The following GRIN3A variants were observed in gnomAD, a reference collection of about 807,000 sequenced individuals.
GRIN3A encodes glutamate ionotropic receptor NMDA type subunit 3A.
Under a neutral mutation model 92.4 loss-of-function variants are expected in GRIN3A, and 47 were observed. The observed-to-expected ratio is 0.51, with a 90% confidence interval of 0.40 to 0.65. The LOEUF (loss-of-function observed/expected upper bound fraction) is 0.65. Among genes scored for constraint, GRIN3A ranks in the 30% least tolerant of loss-of-function variants. The pLI, the probability that GRIN3A is intolerant of heterozygous loss-of-function variation, is 0.00. For missense variants in GRIN3A, 1,324 were observed against 1,393.1 expected (o/e 0.95, Z 0.79); for synonymous variants, 527 against 540.6 (o/e 0.97, Z 0.35).
chr9:101,738,427 A>T lies in GRIN3A; in HGVS notation c.-448T>A, dbSNP rs923832732. The T allele has an allele frequency of 5.0e-6, 1 of 198,768 alleles. No individual in the cohort carries two copies. The highest frequency in any genetic ancestry group is 2.4e-5 in the African/African-American group (1 of 41,816). The allele number at this position is 198,768 out of a possible 1,614,324, so 12.3% of individuals were successfully genotyped here. ...TCTTTTCCTTTTCTGCCCAGGCGAG[A>T]CCCACTTATTTCCTGGGGTCGCGTT... On this transcript the variant is annotated 5_prime_UTR_variant, in exon 1 of 9. Coordinates refer to ENST00000361820, the MANE Select transcript of GRIN3A (RefSeq NM_133445.3).
chr9:101,668,368 T>G (rs986847889), intron 3 of GRIN3A, among the ~76,000 whole-genome samples: 1 of 128,086 alleles, frequency 7.8e-6, no homozygotes, highest in African/African-American at 3.2e-5. Flanking sequence ...TATATTAGAT[T>G]TTTTTTTTTA....
intron 3 of GRIN3A, among the ~76,000 whole-genome samples, chr9:101,641,112 GA>G (rs926095293): frequency 2.6e-5 from 4 of 151,780 alleles, no homozygotes; most frequent in Admixed American, 6.6e-5. Flanking sequence ...CATAGGAAAA[GA>G]AAAAAAATAA....
chr9:101,588,852 C>T (rs1448774300), intron 6 of GRIN3A, among the ~76,000 whole-genome samples: 2 of 151,796 alleles, frequency 1.3e-5, no homozygotes, highest in Admixed American at 6.6e-5. Context: ...ATACTATCAC[C>T]TATTGTTTTT....
intron 1 of GRIN3A, among the ~76,000 whole-genome samples, chr9:101,691,984 G>C (rs1382325507): frequency 6.6e-6 from 1 of 152,202 alleles, no homozygotes; most frequent in Non-Finnish European, 1.5e-5. Flanking sequence ...AAGAATGTGA[G>C]AATGCATGGA....
chr9:101,641,746 A>G (rs943417250), intron 3 of GRIN3A, among the ~76,000 whole-genome samples: 30 of 151,872 alleles, frequency 2.0e-4, no homozygotes, highest in African/African-American at 6.5e-4. Flanking sequence ...AAACCTGCAC[A>G]TTGTGCACAT....
intron 2 of GRIN3A, among the ~76,000 whole-genome samples, chr9:101,675,400 C>G (rs28612816): frequency 6.6e-6 from 1 of 151,836 alleles, no homozygotes; most frequent in Non-Finnish European, 1.5e-5. Flanking sequence ...ATTTTAGAAG[C>G]CATATTTGCA....
chr9:101,728,836 G>A (rs889914714), intron 1 of GRIN3A, among the ~76,000 whole-genome samples: 1 of 152,178 alleles, frequency 6.6e-6, no homozygotes, highest in Non-Finnish European at 1.5e-5. Context: ...TTTTGATATA[G>A]TCCGCATCCA....
intron 3 of GRIN3A, among the ~76,000 whole-genome samples, chr9:101,664,754 C>G (rs12339461): frequency 6.6e-6 from 1 of 151,962 alleles, no homozygotes; most frequent in African/African-American, 2.4e-5. Context: ...AATTTCCGCC[C>G]TAAAATGGTG....
chr9:101,608,592 C>G (rs909720755), intron 6 of GRIN3A, among the ~76,000 whole-genome samples: 5 of 152,028 alleles, frequency 3.3e-5, no homozygotes, highest in African/African-American at 1.2e-4. Context: ...TCCTTAAGAA[C>G]ATGGGTAACT....
intron 5 of GRIN3A, among the ~76,000 whole-genome samples, chr9:101,621,981 C>G (rs1828562740): frequency 6.6e-6 from 1 of 152,146 alleles, no homozygotes; most frequent in East Asian, 1.9e-4. Flanking sequence ...ATTTTTCTAG[C>G]TTTTTCTTTT....
chr9:101,677,509 A>G (rs754709802), intron 2 of GRIN3A, among the ~76,000 whole-genome samples: 5 of 151,802 alleles, frequency 3.3e-5, no homozygotes, highest in Admixed American at 6.6e-5. Context: ...TTAATTTACT[A>G]TTTGTCGCCA....
chr9:101,719,527 G>A (rs1420532444), intron 1 of GRIN3A, among the ~76,000 whole-genome samples: 1 of 152,020 alleles, frequency 6.6e-6, no homozygotes, highest in Non-Finnish European at 1.5e-5. Flanking sequence ...TGTAGGCAGA[G>A]ATGGTATGGC....
chr9:101,685,238 A>G (rs990425381), intron 2 of GRIN3A, among the ~76,000 whole-genome samples: 1 of 145,494 alleles, frequency 6.9e-6, no homozygotes, highest in African/African-American at 2.4e-5. Context: ...TAGGTGCTCA[A>G]TTTATACATA....
At chr9:101,602,421 T>C (rs1564123623) in intron 6 of GRIN3A, among the ~76,000 whole-genome samples, 1 of 152,174 alleles carries the variant, frequency 6.6e-6, no homozygotes, top group Non-Finnish European at 1.5e-5. Context: ...GCAACTCCTC[T>C]CTGCACAGGG....
intron 6 of GRIN3A, among the ~76,000 whole-genome samples, chr9:101,606,125 A>T (rs1474869508): frequency 6.6e-6 from 1 of 152,010 alleles, no homozygotes; most frequent in Non-Finnish European, 1.5e-5. Context: ...CGCAGGCTGG[A>T]CCCCTGTCTG....
At chr9:101,617,222 A>G (rs925415628) in intron 5 of GRIN3A, among the ~76,000 whole-genome samples, 8 of 151,214 alleles carry the variant, frequency 5.3e-5, no homozygotes, top group Admixed American at 2.0e-4. Flanking sequence ...AAAAAAAAAA[A>G]AAAAGAAAAT....
intron 6 of GRIN3A, among the ~76,000 whole-genome samples, chr9:101,602,247 A>C (rs547947601): frequency 6.6e-6 from 1 of 152,186 alleles, no homozygotes. Context: ...TGTCAGGGCA[A>C]TTTCTCACAA....
chr9:101,571,522 TGA>T lies in GRIN3A; in HGVS notation c.*1650_*1651del, dbSNP rs563161115. Reference sequence around the variant, plus strand: ...TGGTTGGGGGTGGAACAATGAGTCCTGAGAAGATAAATCAAGTAATTGATAAA... The same window carrying T: ...TGGTTGGGGGTGGAACAATGAGTCCTGAAGATAAATCAAGTAATTGATAAA... On this transcript the variant is annotated 3_prime_UTR_variant, in exon 9 of 9. Transcript: ENST00000361820. The T allele has an allele frequency of 6.6e-5, 10 of 152,308 alleles. No homozygotes were observed. The South Asian group carries it at 1.7e-3, about 25-fold the overall frequency. 9.4% of individuals were successfully genotyped at this position (152,308 alleles called of 1,614,324 possible). A position where few individuals can be genotyped will look rare whatever the true frequency, so the allele number is the denominator to read the frequency against.
intron 6 of GRIN3A, among the ~76,000 whole-genome samples, chr9:101,583,987 G>A (rs1366235239): frequency 6.6e-6 from 1 of 152,194 alleles, no homozygotes; most frequent in African/African-American, 2.4e-5. Flanking sequence ...CTCCCAAGTA[G>A]CTGGGATTAC....
Sources: gnomAD v4.1 joint callset for allele counts (sites outside exome capture counted in the v4.1 genomes callset) on GRCh38, gnomAD v4.1.1 for gene constraint, MANE v1.5 for transcripts, NCBI Gene and HGNC (gene_info 2026-07-23, HGNC 2026-07-21) for gene names.